Variants in SLC25A13 observed in about 807,000 individuals in gnomAD.
SLC25A13 encodes solute carrier family 25 member 13.
In SLC25A13, 70 loss-of-function variants were observed where a neutral mutation model predicts 85.5. That is an observed-to-expected ratio of 0.82 (90% CI 0.68 to 1.00). SLC25A13 has a LOEUF of 1.00. Ranked by LOEUF, SLC25A13 falls within the 50% of genes least tolerant of loss-of-function variation. The pLI is 0.00. For missense variants in SLC25A13, 765 were observed against 819.8 expected (o/e 0.93, Z 0.82); for synonymous variants, 259 against 288.7 (o/e 0.90, Z 1.04).
At chr7:96,257,802 T>C (rs749730235) in intron 3 of SLC25A13, among the ~76,000 whole-genome samples, 1 of 152,202 alleles carries the variant, frequency 6.6e-6, no homozygotes, top group Non-Finnish European at 1.5e-5. Flanking sequence ...TGAACATTTA[T>C]ATGAAAATCC....
chr7:96,240,929 G>A (rs1305145541), intron 3 of SLC25A13, among the ~76,000 whole-genome samples: 1 of 139,002 alleles, frequency 7.2e-6, no homozygotes, highest in Non-Finnish European at 1.5e-5. Flanking sequence ...CAGAGTTGAG[G>A]AGATGCGATG....
At chr7:96,182,880 G>A (rs922826544) in intron 11 of SLC25A13, among the ~76,000 whole-genome samples, 5 of 152,156 alleles carry the variant, frequency 3.3e-5, no homozygotes, top group African/African-American at 1.2e-4. Context: ...AGTTTATGAA[G>A]CAATGCTCAG....
chr7:96,206,148 G>A (rs907126535), intron 5 of SLC25A13, among the ~76,000 whole-genome samples: 2 of 152,112 alleles, frequency 1.3e-5, no homozygotes, highest in Non-Finnish European at 1.5e-5. Context: ...CTGTCCCTAC[G>A]GCTGCTCCCC....
At position 96,184,969 on chromosome 7, in the gene SLC25A13, C is replaced by T; in HGVS notation, c.976G>A (p.Ala326Thr). The T allele has an allele frequency of 6.2e-7, 1 of 1,614,190 alleles. No homozygotes were observed. The highest frequency in any genetic ancestry group is 8.5e-7 in the Non-Finnish European group (1 of 1,180,020). The change falls in exon 10 of 18, where the codon GCA becomes ACA. Residue 326 changes from alanine (A) to threonine (T), a missense_variant. By Grantham distance (58) the Ala-to-Thr change is moderately conservative. Transcript: ENST00000265631. ...AGACCAAACCTGTAGGCCGACTCTG[C>T]AACTTGTAGAAGAACTGGTCGAGCT... ...DSARPVLLQV[A>T]ESAYRFGLGS...
rs1584404332 is a variant in SLC25A13, at chr7:96,170,102, T to C, written c.1254A>G (p.Lys418=). Residue 418 remains lysine (K), a synonymous_variant, in exon 13 of 18, where the codon AAA becomes AAG. Coordinates refer to ENST00000265631, the MANE Select transcript of SLC25A13 (RefSeq NM_014251.3). ...GGACCGAACCATCTTTGTGCATAAA[T>C]TTATCCCTCACAAAATCGTTCACCT... ...KLTVNDFVRD[K]FMHKDGSVPL... 2 of 1,614,206 alleles carry C rather than the reference T, an allele frequency of 1.2e-6. No homozygotes were observed. The highest frequency in any genetic ancestry group is 3.3e-4 in the Middle Eastern group (2 of 6,062).
At chr7:96,303,146 C>T (rs1476773088) in intron 1 of SLC25A13, among the ~76,000 whole-genome samples, 1 of 152,082 alleles carries the variant, frequency 6.6e-6, no homozygotes, top group Non-Finnish European at 1.5e-5. Context: ...CGAGGCCCAA[C>T]CTCAGCTGCT....
chr7:96,230,350 AACT>A (rs756920084), intron 4 of SLC25A13, among the ~76,000 whole-genome samples: 5 of 152,310 alleles, frequency 3.3e-5, no homozygotes, highest in Non-Finnish European at 5.9e-5. Context: ...GAGACCTCTA[AACT>A]GCTGGTACCA....
rs776288888 is a variant in SLC25A13, at chr7:96,193,118, G to A, written c.534C>T (p.Val178=). ...TGATGTCTCGGAAGTCGATGGCTGT[G>A]ACTCTCCCAGTCCTAGCATTGTCCC... The part of the protein sequence containing the change: ...VQRDNARTGR[V]TAIDFRDIMV... Residue 178 remains valine, a synonymous_variant, in exon 6 of 18, where the codon GTC becomes GTT. Coordinates refer to ENST00000265631, the MANE Select transcript of SLC25A13 (RefSeq NM_014251.3). The A allele has an allele frequency of 1.4e-5, 22 of 1,613,990 alleles. No individual in the cohort carries two copies. In the African/African-American group the frequency reaches 2.4e-4, roughly 18 times the overall value.
intron 3 of SLC25A13, among the ~76,000 whole-genome samples, chr7:96,258,525 T>C (rs1240150969): frequency 6.6e-6 from 1 of 152,118 alleles, no homozygotes; most frequent in Non-Finnish European, 1.5e-5. Flanking sequence ...AAGGACCTCT[T>C]CAAGGAGAAC....
intron 11 of SLC25A13, among the ~76,000 whole-genome samples, chr7:96,181,936 G>T (rs1794434429): frequency 6.6e-6 from 1 of 152,076 alleles, no homozygotes; most frequent in Non-Finnish European, 1.5e-5. Flanking sequence ...TCACATATAG[G>T]TATTTCATAA....
At chr7:96,232,088 A>G (rs1796560041) in intron 4 of SLC25A13, among the ~76,000 whole-genome samples, 1 of 152,204 alleles carries the variant, frequency 6.6e-6, no homozygotes, top group African/African-American at 2.4e-5. Context: ...TACTGGGTAT[A>G]TACCCAAAGA....
At chr7:96,308,241 A>G (rs907359147) in intron 1 of SLC25A13, among the ~76,000 whole-genome samples, 1 of 152,164 alleles carries the variant, frequency 6.6e-6, no homozygotes, top group Non-Finnish European at 1.5e-5. Flanking sequence ...AAGAGAATAG[A>G]GAATAACAAT....
chr7:96,263,767 A>T (rs1239669071), intron 3 of SLC25A13, among the ~76,000 whole-genome samples: 1 of 151,968 alleles, frequency 6.6e-6, no homozygotes, highest in African/African-American at 2.4e-5. Flanking sequence ...ACATTAACTC[A>T]TCTCCTCCGA....
chr7:96,171,184 T>C (rs1252523961), intron 12 of SLC25A13, among the ~76,000 whole-genome samples: 1 of 152,186 alleles, frequency 6.6e-6, no homozygotes. Flanking sequence ...AAACGTAATA[T>C]ACGTCATGTG....
intron 11 of SLC25A13, among the ~76,000 whole-genome samples, chr7:96,173,435 C>G (rs1562814886): frequency 6.6e-6 from 1 of 152,312 alleles, no homozygotes; most frequent in East Asian, 1.9e-4. Flanking sequence ...CTCAAAAAAT[C>G]TGTATCTTTA....
At chr7:96,260,412 T>C (rs1797810228) in intron 3 of SLC25A13, among the ~76,000 whole-genome samples, 1 of 151,970 alleles carries the variant, frequency 6.6e-6, no homozygotes. Flanking sequence ...TATAAAAACC[T>C]GTAAGTTCAT....
rs59749381 is a variant in SLC25A13, at chr7:96,139,945, C to CTT, written c.1452+6609_1452+6610dup. 1.3e-3 allele frequency among the ~76,000 whole-genome samples: 113 copies of CTT among 86,354 alleles called. 3 individuals are homozygous for CTT. The highest frequency in any genetic ancestry group is 2.1e-3 in the Admixed American group (14 of 6,734). 56.7% of individuals were successfully genotyped at this position (86,354 alleles called of 152,430 possible). On this transcript the variant is annotated intron_variant, in intron 14 of 17. Coordinates refer to ENST00000265631, the MANE Select transcript of SLC25A13 (RefSeq NM_014251.3). ...CTCCTTCAGATATCTGATTTCCATT[C>CTT]TTTTTTTTTTTTTTTTTTTTTTTTT...
intron 1 of SLC25A13, among the ~76,000 whole-genome samples, chr7:96,298,038 A>T (rs1799411442): frequency 6.6e-6 from 1 of 152,206 alleles, no homozygotes; most frequent in Non-Finnish European, 1.5e-5. Flanking sequence ...CCCAACACCC[A>T]ATCCTCCTAG....
At chr7:96,321,027 A>T (rs749568615) in intron 1 of SLC25A13, among the ~76,000 whole-genome samples, 11 of 152,220 alleles carry the variant, frequency 7.2e-5, no homozygotes, top group Non-Finnish European at 1.6e-4. Context: ...GCCTTCGTGA[A>T]CTTAAATTAA....
Sources: allele counts gnomAD v4.1 joint callset (sites outside exome capture counted in the v4.1 genomes callset), GRCh38; gene constraint gnomAD v4.1.1; transcripts MANE v1.5; gene names NCBI Gene and HGNC (gene_info 2026-07-23, HGNC 2026-07-21).